The following CDH11 variants were observed in gnomAD, a reference collection of about 807,000 sequenced individuals.
CDH11 encodes cadherin 11, also known as cadherin-11.
In CDH11, 11 loss-of-function variants were observed where a neutral mutation model predicts 67.8. That is an observed-to-expected ratio of 0.16 (90% confidence interval 0.10 to 0.27). The LOEUF (loss-of-function observed/expected upper bound fraction) is 0.27, where lower values mean the gene tolerates loss of function less well. CDH11 is among the 10% of genes least tolerant of loss of function. The pLI, the probability that CDH11 is intolerant of heterozygous loss-of-function variation, is 1.00. For synonymous variants in CDH11, 419 were observed against 400.0 expected (o/e 1.05, Z -0.57); for missense variants, 847 against 1,031.2 (o/e 0.82, Z 2.45).
chr16:65,110,045 A>G (rs947066187), intron 1 of CDH11, among the ~76,000 whole-genome samples: 1 of 152,012 alleles, frequency 6.6e-6, no homozygotes, highest in Non-Finnish European at 1.5e-5. Context: ...TAATTTTTGT[A>G]TTTTTTGTAA....
At position 64,946,791 on chromosome 16, in the gene CDH11, T is replaced by A; in HGVS notation, c.*812A>T. On this transcript the variant is annotated 3_prime_UTR_variant, in exon 13 of 13. Transcript: ENST00000268603. Reference sequence around the variant, plus strand: ...AATCAAACCCAGAATTAAAAAAAAATCTTTTTTTATTTCAAAGATTGCTTC... The same window carrying A: ...AATCAAACCCAGAATTAAAAAAAAAACTTTTTTTATTTCAAAGATTGCTTC... 2 of 879,692 alleles carry A rather than the reference T, an allele frequency of 2.3e-6. No homozygotes were observed. Among genetic ancestry groups the A allele is most frequent in the Non-Finnish European group, 2.8e-6 (2 of 722,532 alleles). The allele number at this position is 879,692 out of a possible 1,614,324, so 54.5% of individuals were successfully genotyped here. A position where few individuals can be genotyped will look rare whatever the true frequency, so the allele number is the denominator to read the frequency against.
chr16:65,120,263 G>A (rs1006523423), intron 1 of CDH11, among the ~76,000 whole-genome samples: 1 of 152,076 alleles, frequency 6.6e-6, no homozygotes, highest in Non-Finnish European at 1.5e-5. Flanking sequence ...TGGCAAATGT[G>A]CTCATGCGAT....
At chr16:65,078,791 G>A (rs1024671049) in intron 1 of CDH11, among the ~76,000 whole-genome samples, 2 of 152,142 alleles carry the variant, frequency 1.3e-5, no homozygotes, top group African/African-American at 4.8e-5. Context: ...TCATTTCACA[G>A]GGGAGAAAAC....
At chr16:65,016,036 C>A (rs1483912980) in intron 2 of CDH11, among the ~76,000 whole-genome samples, 1 of 152,174 alleles carries the variant, frequency 6.6e-6, no homozygotes, top group Non-Finnish European at 1.5e-5. Context: ...TGATCAGAAA[C>A]TTGACTTTCA....
At chr16:65,045,371 A>G (rs2142688340) in intron 2 of CDH11, among the ~76,000 whole-genome samples, 2 of 128,658 alleles carry the variant, frequency 1.6e-5, no homozygotes, top group East Asian at 4.7e-4. Context: ...ATATATATAT[A>G]TGAACTGTTG....
At position 64,982,952 on chromosome 16, in the gene CDH11, A is replaced by G. The variant is rs558037542; in HGVS notation, c.1000-651T>C. ...AAGTCTTTAAATCCTTGACACACCA[A>G]GTAGAACATCTCCGTTTTAACACAT... On this transcript the variant is annotated intron_variant, in intron 7 of 12. Coordinates refer to ENST00000268603, the MANE Select transcript of CDH11 (RefSeq NM_001797.4). 4 of 152,334 alleles carry G rather than the reference A, an allele frequency of 2.6e-5. No homozygotes were observed. The East Asian group carries it at 5.8e-4, about 22-fold the overall frequency. 9.4% of individuals were successfully genotyped at this position (152,334 alleles called of 1,614,324 possible).
At chr16:65,081,473 G>T (rs1161124816) in intron 1 of CDH11, among the ~76,000 whole-genome samples, 1 of 151,996 alleles carries the variant, frequency 6.6e-6, no homozygotes, top group Non-Finnish European at 1.5e-5. Context: ...GGAGGCTGAG[G>T]CAGGAGAATG....
intron 2 of CDH11, among the ~76,000 whole-genome samples, chr16:65,026,445 C>T (rs2073536449): frequency 6.6e-6 from 1 of 152,174 alleles, no homozygotes; most frequent in South Asian, 2.1e-4. Context: ...CCAAGATCTA[C>T]TTTACTATAA....
chr16:65,042,449 C>A (rs2073883192), intron 2 of CDH11, among the ~76,000 whole-genome samples: 1 of 152,080 alleles, frequency 6.6e-6, no homozygotes, highest in Non-Finnish European at 1.5e-5. Context: ...ACTTCCAAGA[C>A]TGAGAGAATA....
At chr16:64,975,431 G>A (rs551882158) in intron 8 of CDH11, among the ~76,000 whole-genome samples, 2 of 152,254 alleles carry the variant, frequency 1.3e-5, no homozygotes, top group South Asian at 2.1e-4. Context: ...AAGGAGCAGA[G>A]GAAACTTAAG....
chr16:65,075,161 G>A (rs2074487595), intron 1 of CDH11, among the ~76,000 whole-genome samples: 1 of 152,228 alleles, frequency 6.6e-6, no homozygotes, highest in Non-Finnish European at 1.5e-5. Flanking sequence ...CTGTCAGCTA[G>A]ACTTGGATAG....
chr16:65,029,395 T>C (rs2073596689), intron 2 of CDH11, among the ~76,000 whole-genome samples: 1 of 152,182 alleles, frequency 6.6e-6, no homozygotes, highest in Admixed American at 6.5e-5. Flanking sequence ...AAAAGTCTCT[T>C]TCAAATAATT....
rs746154487 is a variant in CDH11, at chr16:64,982,247, C to G, written c.1054G>C (p.Val352Leu). ...CTGATAAACTTCGGGTCGATGTGCA[C>G]GTTGGCTGCCTCTACCTTCAAGCTA... ...AYSLKVEAAN[V>L]HIDPKFISNG... is the part of the protein sequence containing the mutation. Residue 352 changes from valine (V) to leucine (L), a missense_variant, in exon 8 of 13, where the codon GTG (valine) becomes CTG (leucine). By Grantham distance (32) the Val-to-Leu change is conservative (BLOSUM62 1). Around this residue, in one of 2 missense-constraint regions of CDH11, gnomAD observed 612 missense variants for 678.7 expected, o/e 0.90. Coordinates refer to ENST00000268603, the MANE Select transcript of CDH11 (RefSeq NM_001797.4). 1.2e-6 allele frequency: 2 copies of G among 1,613,240 alleles called. No homozygotes were observed. The highest frequency in any genetic ancestry group is 1.1e-5 in the South Asian group (1 of 91,064).
chr16:64,996,459 C>A (rs2072767894), intron 4 of CDH11, among the ~76,000 whole-genome samples: 1 of 145,884 alleles, frequency 6.9e-6, no homozygotes, highest in Admixed American at 7.1e-5. Context: ...CACTGCACTG[C>A]AGCCTGGGCA....
At chr16:65,100,129 T>C (rs965113252) in intron 1 of CDH11, among the ~76,000 whole-genome samples, 1 of 152,174 alleles carries the variant, frequency 6.6e-6, no homozygotes, top group African/African-American at 2.4e-5. Flanking sequence ...CCAAAGTTAA[T>C]GTGTGATCAT....
At chr16:64,962,465 A>C (rs192971448) in intron 11 of CDH11, among the ~76,000 whole-genome samples, 1 of 152,122 alleles carries the variant, frequency 6.6e-6, no homozygotes, top group Non-Finnish European at 1.5e-5. Context: ...CTCAGGAACC[A>C]GTGCTGGGGT....
chr16:65,018,772 T>C (rs929634702), intron 2 of CDH11, among the ~76,000 whole-genome samples: 3 of 152,218 alleles, frequency 2.0e-5, no homozygotes, highest in Admixed American at 1.3e-4. Flanking sequence ...ATGTTTCCTC[T>C]CTATTTTAAT....
At chr16:65,120,473 G>C (rs1365210458) in intron 1 of CDH11, among the ~76,000 whole-genome samples, 1 of 152,138 alleles carries the variant, frequency 6.6e-6, no homozygotes, top group Non-Finnish European at 1.5e-5. Context: ...GCCATGATTA[G>C]AAGAAGAAAA....
At chr16:65,080,136 C>T (rs2142796227) in intron 1 of CDH11, among the ~76,000 whole-genome samples, 1 of 152,092 alleles carries the variant, frequency 6.6e-6, no homozygotes, top group Middle Eastern at 3.4e-3. Flanking sequence ...TGAATATTTT[C>T]ATGCATTTCT....
Sources: allele counts gnomAD v4.1 joint callset (sites outside exome capture counted in the v4.1 genomes callset), GRCh38; gene constraint gnomAD v4.1.1; regional missense constraint gnomAD v4.1.1; transcripts MANE v1.5; gene names NCBI Gene and HGNC (gene_info 2026-07-23, HGNC 2026-07-21).